LAMC1: variants seen among roughly 807,000 people sequenced by gnomAD.
LAMC1 encodes laminin subunit gamma 1.
Under a neutral mutation model 173.6 loss-of-function variants are expected in LAMC1, and 38 were observed. The observed-to-expected ratio is 0.22, with a 90% confidence interval of 0.17 to 0.29. The LOEUF (loss-of-function observed/expected upper bound fraction) is 0.29, where lower values mean the gene tolerates loss of function less well. Among genes scored for constraint, LAMC1 ranks in the 10% least tolerant of loss-of-function variants. The pLI is 1.00. For missense variants in LAMC1, 1,824 were observed against 2,051.8 expected (o/e 0.89, Z 2.14); for synonymous variants, 746 against 749.1 (o/e 1.00, Z 0.07).
rs780337757 is a variant in LAMC1, at chr1:183,067,678, G to A, written c.419-35650G>A. 6.3e-4 allele frequency among the ~76,000 whole-genome samples: 96 copies of A among 152,062 alleles called. 1 individual carries two copies. The Middle Eastern group carries it at 0.024, about 38-fold the overall frequency. On this transcript the variant is annotated intron_variant, in intron 1 of 27. Coordinates refer to ENST00000258341, the MANE Select transcript of LAMC1 (RefSeq NM_002293.4). ...TATTTTTTTTTGTAGTTTTAGTAGAGATAGGGTTTTACTGTATTGGCCAGG... is the reference window on the plus strand; with the variant it reads ...TATTTTTTTTTGTAGTTTTAGTAGAAATAGGGTTTTACTGTATTGGCCAGG...
chr1:183,111,156 A>C (rs1366551852), intron 4 of LAMC1, among the ~76,000 whole-genome samples: 1 of 150,194 alleles, frequency 6.7e-6, no homozygotes, highest in Non-Finnish European at 1.5e-5. Flanking sequence ...GAGTGATCTC[A>C]ACTCACTGCA....
At chr1:183,110,434 A>G in intron 3 of LAMC1, 54 bp from the exon 4 acceptor site, 1 of 1,419,966 alleles carries the variant, frequency 7.0e-7, no homozygotes. Context: ...TTCTGTGTGC[A>G]TTTCTGGGAC....
At chr1:183,110,436 T>A in intron 3 of LAMC1, 52 bp from the exon 4 acceptor site, 1 of 1,438,446 alleles carries the variant, frequency 7.0e-7, no homozygotes, top group South Asian at 1.3e-5. Context: ...CTGTGTGCAT[T>A]TCTGGGACTT....
chr1:183,042,744 C>G (rs1394936865), intron 1 of LAMC1, among the ~76,000 whole-genome samples: 2 of 152,188 alleles, frequency 1.3e-5, no homozygotes, highest in Non-Finnish European at 2.9e-5. Flanking sequence ...AGTGCACAGC[C>G]TTCACTCCCT....
intron 1 of LAMC1, among the ~76,000 whole-genome samples, chr1:183,055,841 C>T (rs1400078918): frequency 6.6e-6 from 1 of 151,928 alleles, no homozygotes; most frequent in Non-Finnish European, 1.5e-5. Context: ...GAAATAAAGG[C>T]ATTAATAGTG....
At chr1:183,048,518 C>T (rs1216303105) in intron 1 of LAMC1, among the ~76,000 whole-genome samples, 1 of 152,122 alleles carries the variant, frequency 6.6e-6, no homozygotes, top group Non-Finnish European at 1.5e-5. Context: ...TAAATAAGTA[C>T]AAATGTCTGA....
At chr1:183,140,911 G>T (rs1236624858) in intron 27 of LAMC1, 1 of 152,774 alleles carries the variant, frequency 6.5e-6, no homozygotes, top group African/African-American at 2.4e-5. Flanking sequence ...AGCATTTATG[G>T]TCCAGTATCA....
At chr1:183,039,260 T>C (rs1020322458) in intron 1 of LAMC1, among the ~76,000 whole-genome samples, 3 of 134,208 alleles carry the variant, frequency 2.2e-5, no homozygotes, top group African/African-American at 8.3e-5. Flanking sequence ...AGGATAAAGA[T>C]TGTGGTGGGG....
At position 183,060,394 on chromosome 1, in the gene LAMC1, A is replaced by G. The variant is rs1032533944; in HGVS notation, c.418+36260A>G. 7.6e-5 allele frequency among the ~76,000 whole-genome samples: 10 copies of G among 131,770 alleles called. No homozygotes were observed. In the East Asian group the frequency reaches 1.6e-3, roughly 22 times the overall value. 86.4% of individuals were successfully genotyped at this position (131,770 alleles called of 152,430 possible). On this transcript the variant is annotated intron_variant, in intron 1 of 27. Transcript: ENST00000258341. Reference sequence around the variant, plus strand: ...ATAGCAAGACCCCATCTCAAAAAAGAAAAAAAAAAAAAAAGCAATTACCCC... The same window carrying G: ...ATAGCAAGACCCCATCTCAAAAAAGGAAAAAAAAAAAAAAGCAATTACCCC...
chr1:183,100,189 C>G (rs1344115714), intron 1 of LAMC1, among the ~76,000 whole-genome samples: 1 of 152,180 alleles, frequency 6.6e-6, no homozygotes, highest in South Asian at 2.1e-4. Flanking sequence ...TCATTTCTCT[C>G]CATTCCTCTG....
intron 26 of LAMC1, 29 bp downstream of exon 26, chr1:183,137,856 G>T (rs896596859): frequency 1.2e-5 from 19 of 1,569,616 alleles, no homozygotes; most frequent in Admixed American, 1.9e-5. Context: ...TTTGCTCATT[G>T]GCAGAAAGTG....
intron 18 of LAMC1, among the ~76,000 whole-genome samples, chr1:183,129,122 G>A (rs1656711376): frequency 8.7e-6 from 1 of 115,314 alleles, no homozygotes; most frequent in Non-Finnish European, 1.6e-5. Flanking sequence ...CAATCACTCT[G>A]TTGCCCAGGC....
intron 1 of LAMC1, among the ~76,000 whole-genome samples, chr1:183,093,803 C>CA (rs533200128): frequency 3.3e-5 from 5 of 152,194 alleles, no homozygotes; most frequent in Non-Finnish European, 7.3e-5. Context: ...GCTTGCATCC[C>CA]ACATCCAGTT....
At chr1:183,031,558 C>G (rs1340216855) in intron 1 of LAMC1, among the ~76,000 whole-genome samples, 4 of 152,200 alleles carry the variant, frequency 2.6e-5, no homozygotes, top group Admixed American at 6.5e-5. Flanking sequence ...CCCGTCGTGG[C>G]TGCCCAAAGT....
chr1:183,110,430 G>T (rs1448797060), intron 3 of LAMC1, 58 bp from the exon 4 acceptor site: 2 of 1,351,428 alleles, frequency 1.5e-6, no homozygotes, highest in South Asian at 1.3e-5. Context: ...GTTTTTCTGT[G>T]TGCATTTCTG....
chr1:183,069,860 C>G (rs1654970013), intron 1 of LAMC1, among the ~76,000 whole-genome samples: 1 of 152,126 alleles, frequency 6.6e-6, no homozygotes, highest in Non-Finnish European at 1.5e-5. Context: ...AGGTAGCCAG[C>G]ACCAGTGGAC....
intron 6 of LAMC1, 107 bp from the exon 7 acceptor site, chr1:183,116,470 C>G: frequency 2.9e-6 from 2 of 678,872 alleles, no homozygotes; most frequent in Non-Finnish European, 2.4e-6. Flanking sequence ...GTGTGAGACT[C>G]TGTCTCAAAA....
intron 2 of LAMC1, among the ~76,000 whole-genome samples, chr1:183,107,777 C>T (rs1656023212): frequency 6.6e-6 from 1 of 151,992 alleles, no homozygotes. Flanking sequence ...TTGCAGTGAG[C>T]TGAGATCACG....
At chr1:183,099,382 G>A (rs1655777044) in intron 1 of LAMC1, among the ~76,000 whole-genome samples, 1 of 152,092 alleles carries the variant, frequency 6.6e-6, no homozygotes, top group African/African-American at 2.4e-5. Context: ...TAGCTACTGA[G>A]CCCGGCCCAT....
Sources: allele counts gnomAD v4.1 joint callset (sites outside exome capture counted in the v4.1 genomes callset), GRCh38; gene constraint gnomAD v4.1.1; transcripts MANE v1.5; gene names NCBI Gene and HGNC (gene_info 2026-07-23, HGNC 2026-07-21).